ZNF568: variants seen among roughly 807,000 people sequenced by gnomAD.
ZNF568 encodes zinc finger protein 568, also known as p53 inhibitor of SCO2 activation.
Under a neutral mutation model 18.1 loss-of-function variants are expected in ZNF568, and 11 were observed. That is an observed-to-expected ratio of 0.61 (90% CI 0.38 to 1.00). ZNF568 has a LOEUF of 1.00. Ranked by LOEUF, ZNF568 falls within the 50% of genes least tolerant of loss-of-function variation. ZNF568 has a pLI of 0.01. For synonymous variants in ZNF568, 213 were observed against 246.6 expected (o/e 0.86, Z 1.28); for missense variants, 639 against 768.2 (o/e 0.83, Z 1.99).
At chr19:36,974,787 C>T (rs2074266861) in intron 7 of ZNF568, among the ~76,000 whole-genome samples, 2 of 151,892 alleles carry the variant, frequency 1.3e-5, no homozygotes, top group African/African-American at 4.8e-5. Flanking sequence ...TCTGCATTGT[C>T]CCCTCCATGA....
intron 4 of ZNF568, among the ~76,000 whole-genome samples, chr19:36,934,542 G>A (rs574978566): frequency 5.3e-5 from 8 of 152,198 alleles, no homozygotes; most frequent in Admixed American, 2.6e-4. Flanking sequence ...GGCTGGTCTT[G>A]AACTCCTGGG....
At chr19:36,920,905 T>C (rs1236940446) in intron 2 of ZNF568, among the ~76,000 whole-genome samples, 1 of 152,218 alleles carries the variant, frequency 6.6e-6, no homozygotes, top group Non-Finnish European at 1.5e-5. Flanking sequence ...CTCCTGTGTT[T>C]AGGTATGTTT....
rs1397106291 is a variant in ZNF568 at position 36,991,839 on chromosome 19, G to A, written c.222G>A (p.Trp74Ter). The A allele has an allele frequency of 1.9e-6, 3 of 1,569,700 alleles. No homozygotes were observed. The highest frequency in any genetic ancestry group is 1.7e-6 in the Non-Finnish European group (2 of 1,164,300). Residue 74 changes from tryptophan (W) to a stop codon, truncating the protein, a stop_gained, in exon 4 of 5, where the codon TGG becomes TGA. Transcript: ENST00000433993. LOFTEE classifies it low-confidence loss of function (END_TRUNC). ...TTAAGAGGAAGGAGACAAAAGAATG[G>A]TGTCCAGGTGAGTGACGATGAACTG... is the stretch of plus-strand genomic sequence containing the variant.
At chr19:36,972,192 T>A (rs2074241744) in intron 6 of ZNF568, among the ~76,000 whole-genome samples, 1 of 152,122 alleles carries the variant, frequency 6.6e-6, no homozygotes. Context: ...GTAGCACTTT[T>A]AGTAACACAA....
At chr19:36,970,596 C>T (rs1426375484) in intron 6 of ZNF568, among the ~76,000 whole-genome samples, 2 of 152,040 alleles carry the variant, frequency 1.3e-5, no homozygotes, top group African/African-American at 4.8e-5. Flanking sequence ...CTCAGCCTCC[C>T]AAACTGCTGA....
chr19:36,933,772 G>A (rs1023651796), intron 4 of ZNF568, among the ~76,000 whole-genome samples: 1 of 151,730 alleles, frequency 6.6e-6, no homozygotes, highest in Non-Finnish European at 1.5e-5. Context: ...CATAAAAGAT[G>A]TGTCCCCTCC....
intron 6 of ZNF568, among the ~76,000 whole-genome samples, chr19:36,940,765 C>A (rs2073866644): frequency 6.6e-6 from 1 of 152,258 alleles, no homozygotes; most frequent in Middle Eastern, 3.4e-3. Context: ...TTGAGGCTTT[C>A]TTTTTCTTTT....
downstream of ZNF568, among the ~76,000 whole-genome samples, chr19:36,981,683 T>G (rs910871957): frequency 5.9e-5 from 9 of 152,228 alleles, no homozygotes; most frequent in African/African-American, 2.2e-4. Context: ...GAGACCAGCC[T>G]GGGCAACATA....
At position 36,951,007 on chromosome 19, in the gene ZNF568, A is replaced by G; in HGVS notation, c.1854A>G (p.Glu618=). The G allele has an allele frequency of 6.2e-7, 1 of 1,613,088 alleles. No individual in the cohort carries two copies. The highest frequency in any genetic ancestry group is 1.1e-5 in the South Asian group (1 of 90,888). Residue 618 remains glutamate (E), a synonymous_variant, in exon 7 of 7, where the codon GAA becomes GAG. Coordinates refer to ENST00000333987, the MANE Select transcript of ZNF568 (RefSeq NM_198539.4). ...GTGAGAAACCCTTTGAATGTAATGA[A>G]TGTGGGAAAGCATTCTCTCAAAGAG... The part of the protein sequence containing the change: ...HTGEKPFECN[E]CGKAFSQRAS...
intron 6 of ZNF568, among the ~76,000 whole-genome samples, chr19:36,943,573 TTATTATTATTATAA>T (rs758392397): frequency 1.5e-3 from 233 of 151,944 alleles, no homozygotes; most frequent in Non-Finnish European, 2.6e-3. Flanking sequence ...TTTTCATATA[TTATTATTATTATAA>T]TATTGAAGAC....
In ZNF568 at chr19:36,937,921, CA is replaced by C. The variant is rs541358703; in HGVS notation, c.358+683del. On this transcript the variant is annotated intron_variant, in intron 6 of 6. Coordinates refer to ENST00000333987, the MANE Select transcript of ZNF568 (RefSeq NM_198539.4). ...TAATACCAATATTATACCTTTTGTG[CA>C]AAAGTAAATCTTCCTCTTATCCTGG... 6.8e-3 allele frequency among the ~76,000 whole-genome samples: 1,033 copies of C among 152,224 alleles called. 5 individuals carry two copies. The highest frequency in any genetic ancestry group is 8.5e-3 in the Non-Finnish European group (578 of 68,002).
chr19:36,927,563 C>G (rs960364695), intron 4 of ZNF568, among the ~76,000 whole-genome samples: 3 of 151,662 alleles, frequency 2.0e-5, no homozygotes, highest in African/African-American at 7.3e-5. Flanking sequence ...CAGTACTGTA[C>G]TTTGTGTGTG....
chr19:36,947,004 T>G (rs935278075), intron 6 of ZNF568, among the ~76,000 whole-genome samples: 1 of 144,602 alleles, frequency 6.9e-6, no homozygotes, highest in Non-Finnish European at 1.6e-5. Context: ...ACCTAGAAGA[T>G]TTTTTGTTTG....
intron 6 of ZNF568, among the ~76,000 whole-genome samples, chr19:36,961,902 T>C (rs1310811203): frequency 1.4e-5 from 2 of 144,706 alleles, no homozygotes; most frequent in Non-Finnish European, 3.0e-5. Flanking sequence ...TTTTGAGACT[T>C]CTGGGCTCAA....
intron 6 of ZNF568, among the ~76,000 whole-genome samples, chr19:36,961,266 C>A (rs1182594191): frequency 8.4e-6 from 1 of 119,162 alleles, no homozygotes; most frequent in East Asian, 2.9e-4. Flanking sequence ...TATATAATGA[C>A]CTTCTTTGTC....
At chr19:36,932,633 A>G (rs2073706994) in intron 4 of ZNF568, among the ~76,000 whole-genome samples, 2 of 151,428 alleles carry the variant, frequency 1.3e-5, no homozygotes, top group East Asian at 1.9e-4. Flanking sequence ...TTTCCATAGC[A>G]GTTGTGCTAG....
At chr19:36,957,985 G>C (rs2074120413) in intron 6 of ZNF568, among the ~76,000 whole-genome samples, 1 of 152,008 alleles carries the variant, frequency 6.6e-6, no homozygotes, top group Non-Finnish European at 1.5e-5. Context: ...ATTGTGATTG[G>C]GTGTTGGATT....
chr19:36,981,058 C>T (rs1050638821), downstream of ZNF568, among the ~76,000 whole-genome samples: 1 of 152,150 alleles, frequency 6.6e-6, no homozygotes, highest in Non-Finnish European at 1.5e-5. Context: ...AAAGGCCAGA[C>T]CTCTTTTTGG....
intron 4 of ZNF568, among the ~76,000 whole-genome samples, chr19:36,934,764 T>A (rs2073760396): frequency 6.6e-6 from 1 of 152,228 alleles, no homozygotes; most frequent in South Asian, 2.1e-4. Context: ...TTCTTTTACC[T>A]CAAAGTATTT....
Sources: gnomAD v4.1 joint callset for allele counts (sites outside exome capture counted in the v4.1 genomes callset) on GRCh38, gnomAD v4.1.1 for gene constraint, MANE v1.5 for transcripts, NCBI Gene and HGNC (gene_info 2026-07-23, HGNC 2026-07-21) for gene names.